Variants in TPR observed in about 807,000 individuals in gnomAD.
TPR encodes translocated promoter region, nuclear basket protein.
In TPR, 51 loss-of-function variants were observed where a neutral mutation model predicts 316.1. That is an observed-to-expected ratio of 0.16 (90% CI 0.13 to 0.20). TPR has a LOEUF of 0.20. Among genes scored for constraint, TPR ranks in the 10% least tolerant of loss-of-function variants. The probability of loss-of-function intolerance (pLI) is 1.00; values close to 1 mark genes in which losing one functional copy is unlikely to be tolerated. For synonymous variants in TPR, 981 were observed against 914.7 expected (o/e 1.07, Z -1.31); for missense variants, 2,272 against 2,754.8 (o/e 0.82, Z 3.92).
chr1:186,318,920 A>C, intron 46 of TPR, 92 bp from the exon 47 acceptor site: 1 of 1,206,882 alleles, frequency 8.3e-7, no homozygotes, highest in Middle Eastern at 2.7e-4. Context: ...TAATTATTGG[A>C]GATATACAAC....
intron 2 of TPR, among the ~76,000 whole-genome samples, chr1:186,372,524 A>C (rs1160398227): frequency 6.6e-6 from 1 of 152,136 alleles, no homozygotes; most frequent in Non-Finnish European, 1.5e-5. Context: ...CCTGGGCAAC[A>C]CAGTGAGACT....
intron 41 of TPR, 86 bp downstream of exon 41, chr1:186,326,018 A>G: frequency 6.3e-7 from 1 of 1,581,218 alleles, no homozygotes; most frequent in Non-Finnish European, 8.6e-7. Flanking sequence ...AGTGAATTTC[A>G]TAAGCCTTTC....
rs1000617790 is a variant in TPR, at chr1:186,341,048, G to A, written c.4000C>T (p.Arg1334Cys). ...TTTACCTGGTTACGTGCTTTCCAACGTTTGACATCCTCTTCTAAGAGCTTC... is the reference window on the plus strand; with the variant it reads ...TTTACCTGGTTACGTGCTTTCCAACATTTGACATCCTCTTCTAAGAGCTTC... The part of the protein sequence containing the change: ...EKKLLEEDVK[R>C]WKARNQHLVS... The change falls in exon 29 of 51, where the codon CGT (arginine) becomes TGT (cysteine). Residue 1334 changes from arginine to cysteine, a missense_variant. Arg to Cys is a radical substitution (Grantham distance 180, BLOSUM62 -3). Around this residue, in one of 10 missense-constraint regions of TPR, gnomAD observed 96 missense variants for 134.6 expected, o/e 0.71. Transcript: ENST00000367478. The A allele has an allele frequency of 2.5e-6, 4 of 1,613,684 alleles. No individual in the cohort carries two copies. In the East Asian group the frequency reaches 6.7e-5, roughly 27 times the overall value.
At chr1:186,374,779 T>A in intron 1 of TPR, 99 bp downstream of exon 1, 12 of 1,301,188 alleles carry the variant, frequency 9.2e-6, no homozygotes, top group Non-Finnish European at 1.3e-5. Context: ...GAAGTGAGGT[T>A]AACAGAGCGG....
At chr1:186,363,752 A>C (rs536699711) in intron 4 of TPR, among the ~76,000 whole-genome samples, 1 of 152,284 alleles carries the variant, frequency 6.6e-6, no homozygotes, top group East Asian at 1.9e-4. Context: ...TAATATGTAG[A>C]TATTAGTGTA....
intron 1 of TPR, among the ~76,000 whole-genome samples, chr1:186,374,400 ATAT>A (rs1659632436): frequency 6.6e-6 from 1 of 152,184 alleles, no homozygotes; most frequent in Non-Finnish European, 1.5e-5. Context: ...TATGCACCTA[ATAT>A]TCATTTTTGT....
In TPR at chr1:186,312,407, C is replaced by A; in HGVS notation, c.*1564G>T. ...TTATTGTGTTAAAAAAATCCTTAAA[C>A]ATAAGTAGATGTAATACAGTTTCTT... On this transcript the variant is annotated 3_prime_UTR_variant, in exon 51 of 51. Coordinates refer to ENST00000367478, the MANE Select transcript of TPR (RefSeq NM_003292.3). 1.3e-6 allele frequency: 2 copies of A among 1,555,524 alleles called. No homozygotes were observed. Among genetic ancestry groups the A allele is most frequent in the Non-Finnish European group, 8.8e-7 (1 of 1,138,024 alleles).
At chr1:186,328,612 C>T (rs1360000930) in intron 39 of TPR, among the ~76,000 whole-genome samples, 3 of 151,948 alleles carry the variant, frequency 2.0e-5, no homozygotes, top group South Asian at 4.1e-4. Context: ...CAAACTAGAA[C>T]TAATTTGGAA....
At chr1:186,362,463 A>T in intron 6 of TPR, 83 bp from the exon 7 acceptor site, 1 of 1,060,558 alleles carries the variant, frequency 9.4e-7, no homozygotes, top group South Asian at 1.5e-5. Context: ...TGCTAAGGAA[A>T]AGCTAAGTAA....
At chr1:186,360,634 T>C in intron 10 of TPR, 131 bp downstream of exon 10, 11 of 1,231,382 alleles carry the variant, frequency 8.9e-6, no homozygotes, top group Non-Finnish European at 1.2e-5. Flanking sequence ...TAAAACAAAT[T>C]CTATTAATAT....
chr1:186,373,665 CAAAAAAT>C (rs1319262377), intron 1 of TPR, among the ~76,000 whole-genome samples: 2 of 151,906 alleles, frequency 1.3e-5, no homozygotes, highest in African/African-American at 4.8e-5. Flanking sequence ...ACTTACATGA[CAAAAAAT>C]AAAAAATAAA....
chr1:186,331,257 A>G lies in TPR; in HGVS notation c.5688+241T>C, dbSNP rs1257550043. Among the ~76,000 whole-genome samples, 5 of 152,234 alleles carry G rather than the reference A, an allele frequency of 3.3e-5. No individual in the cohort carries two copies. In the East Asian group the frequency reaches 7.7e-4, roughly 24 times the overall value. On this transcript the variant is annotated intron_variant, in intron 39 of 50. Coordinates refer to ENST00000367478, the MANE Select transcript of TPR (RefSeq NM_003292.3). ...AAATCTTGGCTCACAACTCTAAAAA[A>G]TCTGGAAATCTGTGCTATATATGAA...
At chr1:186,361,568 A>G (rs1919196) in intron 9 of TPR, 54 bp downstream of exon 9, 12 of 1,561,800 alleles carry the variant, frequency 7.7e-6, no homozygotes, top group Admixed American at 3.6e-5. Flanking sequence ...AAGGGTAAAA[A>G]AAAAAAAAGA....
At chr1:186,368,661 A>G (rs1055052922) in intron 3 of TPR, among the ~76,000 whole-genome samples, 5 of 152,218 alleles carry the variant, frequency 3.3e-5, no homozygotes, top group Non-Finnish European at 7.3e-5. Context: ...GGCAATCTAC[A>G]TGTTTTTGAG....
chr1:186,329,946 A>T (rs12566543), intron 39 of TPR, among the ~76,000 whole-genome samples: 1 of 152,098 alleles, frequency 6.6e-6, no homozygotes, highest in African/African-American at 2.4e-5. Flanking sequence ...CTGAGCTCCA[A>T]TGCTATGTGA....
intron 13 of TPR, among the ~76,000 whole-genome samples, chr1:186,358,040 G>A (rs1022658366): frequency 5.3e-5 from 8 of 152,092 alleles, no homozygotes; most frequent in African/African-American, 9.7e-5. Context: ...TGTGCATTGC[G>A]TGGATGTACA....
chr1:186,364,550 A>T (rs78088787), intron 4 of TPR, among the ~76,000 whole-genome samples: 30,132 of 152,150 alleles, frequency 0.2, 3,548 homozygotes, highest in African/African-American at 0.33. Context: ...CTAATATGAT[A>T]CGAGGTAAAG....
intron 35 of TPR, 109 bp downstream of exon 35, chr1:186,334,959 T>C (rs888403590): frequency 2.6e-6 from 3 of 1,136,934 alleles, no homozygotes; most frequent in Non-Finnish European, 3.7e-6. Context: ...CTTTAGTGTA[T>C]GTTTTTACAA....
At chr1:186,330,669 G>A (rs1160285452) in intron 39 of TPR, among the ~76,000 whole-genome samples, 1 of 152,038 alleles carries the variant, frequency 6.6e-6, no homozygotes, top group Non-Finnish European at 1.5e-5. Flanking sequence ...ACCTGTCCCT[G>A]CCCTGTGTGA....
Sources: gnomAD v4.1 joint callset for allele counts (sites outside exome capture counted in the v4.1 genomes callset) on GRCh38, gnomAD v4.1.1 for gene constraint, gnomAD v4.1.1 regional missense constraint, MANE v1.5 for transcripts, NCBI Gene and HGNC (gene_info 2026-07-23, HGNC 2026-07-21) for gene names.